The following PRORP variants were observed in gnomAD, a reference collection of about 807,000 sequenced individuals.
The protein encoded by PRORP is mitochondrial ribonuclease P catalytic subunit.
PRORP carries 51 observed loss-of-function variants against 59.4 expected under a neutral mutation model. The ratio of observed to expected loss-of-function variants is 0.86; its 90% CI spans 0.69 to 1.08. The LOEUF is 1.08. PRORP is among the 50% of genes least tolerant of loss of function. PRORP has a pLI of 0.00. For missense variants in PRORP, 646 were observed against 690.3 expected (o/e 0.94, Z 0.72); for synonymous variants, 231 against 245.6 (o/e 0.94, Z 0.55).
At chr14:35,263,033 A>G (rs1380610998) in intron 5 of PRORP, 1 of 1,575,340 alleles carries the variant, frequency 6.3e-7, no homozygotes, top group African/African-American at 1.3e-5. Flanking sequence ...CGGCTGATGA[A>G]TAAGATCTAA....
At chr14:35,236,938 CTTCT>C (rs1195096667) in intron 5 of PRORP, among the ~76,000 whole-genome samples, 7 of 150,126 alleles carry the variant, frequency 4.7e-5, no homozygotes, top group Admixed American at 2.7e-4. Context: ...TCTCTTTCTC[CTTCT>C]TTCTTTCATT....
intron 4 of PRORP, among the ~76,000 whole-genome samples, chr14:35,154,546 C>G (rs1228076036): frequency 1.3e-5 from 2 of 152,004 alleles, no homozygotes; most frequent in African/African-American, 2.4e-5. Context: ...AATCTAGATG[C>G]ATGAATCTGA....
chr14:35,258,813 G>A (rs2050824116), intron 5 of PRORP, among the ~76,000 whole-genome samples: 1 of 152,182 alleles, frequency 6.6e-6, no homozygotes. Context: ...ACTCCAGAAT[G>A]TATCCTTCCG....
In PRORP at chr14:35,275,174, C is replaced by T. The variant is rs142715268; in HGVS notation, c.*1608C>T. The T allele has an allele frequency of 1.2e-4, 18 of 151,978 alleles. No homozygotes were observed. The highest frequency in any genetic ancestry group is 3.9e-4 in the African/African-American group (16 of 41,434). 9.4% of individuals were successfully genotyped at this position (151,978 alleles called of 1,614,324 possible). On this transcript the variant is annotated 3_prime_UTR_variant, in exon 8 of 8. Coordinates refer to ENST00000534898, the MANE Select transcript of PRORP (RefSeq NM_014672.4). ...TATATGTATATATTAGTTAAAATTC[C>T]TCACACTAAACATTTTAAATTGATA...
At position 35,181,917 on chromosome 14, in the gene PRORP, A is replaced by G. The variant is rs189676678; in HGVS notation, c.1275+1140A>G. 1.8e-3 allele frequency among the ~76,000 whole-genome samples: 274 copies of G among 152,282 alleles called. 1 individual carries two copies. Among genetic ancestry groups the G allele is most frequent in the African/African-American group, 6.3e-3 (262 of 41,562 alleles). On this transcript the variant is annotated intron_variant, in intron 5 of 7. Coordinates refer to ENST00000534898, the MANE Select transcript of PRORP (RefSeq NM_014672.4). Reference sequence around the variant, plus strand: ...AATAGAAAAATTTGCTAGACAGTAAAAAACAAAACAAAACTGAACTAAAAA... The same window carrying G: ...AATAGAAAAATTTGCTAGACAGTAAGAAACAAAACAAAACTGAACTAAAAA...
At position 35,144,646 on chromosome 14, in the gene PRORP, A is replaced by T. The variant is rs574125306; in HGVS notation, c.1167+17035A>T. 1.6e-4 allele frequency among the ~76,000 whole-genome samples: 24 copies of T among 146,228 alleles called. 5 individuals carry two copies. The highest frequency in any genetic ancestry group is 1.4e-3 in the Admixed American group (20 of 14,082). The stretch of plus-strand genomic sequence containing the variant: ...ATTTTGTTGGCTCTTGGAGATAATC[A>T]TAATCGTTCTTTGATACTATGCCCA... On this transcript the variant is annotated intron_variant, in intron 4 of 7. Coordinates refer to ENST00000534898, the MANE Select transcript of PRORP (RefSeq NM_014672.4).
intron 5 of PRORP, among the ~76,000 whole-genome samples, chr14:35,231,623 G>A (rs2050083754): frequency 6.6e-6 from 1 of 152,156 alleles, no homozygotes; most frequent in African/African-American, 2.4e-5. Context: ...TTTCCTTGTT[G>A]AGATGAATTG....
At chr14:35,267,637 C>G (rs1014683135) in intron 6 of PRORP, among the ~76,000 whole-genome samples, 1 of 152,000 alleles carries the variant, frequency 6.6e-6, no homozygotes, top group Non-Finnish European at 1.5e-5. Flanking sequence ...AAAAATTAAC[C>G]GGGCATGGTG....
chr14:35,198,921 C>T (rs961942138), intron 5 of PRORP, among the ~76,000 whole-genome samples: 1 of 152,188 alleles, frequency 6.6e-6, no homozygotes, highest in Non-Finnish European at 1.5e-5. Context: ...AATCCCAGCA[C>T]TTTGGGAGGC....
chr14:35,129,520 G>A (rs1372340951), intron 4 of PRORP, among the ~76,000 whole-genome samples: 2 of 151,254 alleles, frequency 1.3e-5, no homozygotes, highest in Admixed American at 1.3e-4. Flanking sequence ...TGTCGCCCAG[G>A]CTAGAGTGCC....
intron 5 of PRORP, among the ~76,000 whole-genome samples, chr14:35,208,060 G>A (rs112276324): frequency 0.05 from 7,541 of 151,792 alleles, 333 homozygotes; most frequent in Admixed American, 0.15. Flanking sequence ...TGAGGCAGAA[G>A]AATCGCTTGA....
At chr14:35,203,259 G>GA (rs2049203190) in intron 5 of PRORP, among the ~76,000 whole-genome samples, 1 of 152,154 alleles carries the variant, frequency 6.6e-6, no homozygotes, top group Admixed American at 6.5e-5. Context: ...CTGTACTAAT[G>GA]AAATTGGCAC....
At chr14:35,213,321 A>G (rs963293296) in intron 5 of PRORP, among the ~76,000 whole-genome samples, 7 of 152,088 alleles carry the variant, frequency 4.6e-5, no homozygotes, top group Admixed American at 4.6e-4. Flanking sequence ...CTATAGTCCT[A>G]GCTTGGAAAG....
At chr14:35,249,819 A>C (rs926867829) in intron 5 of PRORP, among the ~76,000 whole-genome samples, 2 of 152,214 alleles carry the variant, frequency 1.3e-5, no homozygotes, top group Non-Finnish European at 2.9e-5. Context: ...AAATATCATC[A>C]TACATTTAAA....
chr14:35,204,858 C>T (rs1323849126), intron 5 of PRORP, among the ~76,000 whole-genome samples: 2 of 152,052 alleles, frequency 1.3e-5, no homozygotes, highest in East Asian at 1.9e-4. Context: ...ACATCTTTTG[C>T]TTTTTTTGTT....
intron 4 of PRORP, among the ~76,000 whole-genome samples, chr14:35,142,855 A>G (rs1281444408): frequency 6.9e-6 from 1 of 143,960 alleles, no homozygotes; most frequent in Non-Finnish European, 1.5e-5. Flanking sequence ...TCAAAAAAAA[A>G]AAAATTGTAA....
intron 5 of PRORP, among the ~76,000 whole-genome samples, chr14:35,224,187 C>G (rs1206666767): frequency 6.6e-6 from 1 of 152,082 alleles, no homozygotes; most frequent in African/African-American, 2.4e-5. Context: ...AAGAACAGTG[C>G]TTCTTCAAAA....
chr14:35,146,067 G>A (rs564548205), intron 4 of PRORP, among the ~76,000 whole-genome samples: 2 of 152,054 alleles, frequency 1.3e-5, no homozygotes, highest in Admixed American at 1.3e-4. Flanking sequence ...CTGACCTCAG[G>A]TGATCCGCCC....
chr14:35,143,399 T>TG (rs1359014070), intron 4 of PRORP, among the ~76,000 whole-genome samples: 1 of 145,492 alleles, frequency 6.9e-6, no homozygotes, highest in African/African-American at 2.4e-5. Flanking sequence ...TGACCTCAAG[T>TG]GATCCAGCCG....
Sources: allele counts gnomAD v4.1 joint callset (sites outside exome capture counted in the v4.1 genomes callset), GRCh38; gene constraint gnomAD v4.1.1; transcripts MANE v1.5; gene names NCBI Gene and HGNC (gene_info 2026-07-23, HGNC 2026-07-21).